The following UBE3B variants were observed in gnomAD, a reference collection of about 807,000 sequenced individuals.
UBE3B encodes ubiquitin protein ligase E3B, also known as ubiquitin-protein ligase E3B.
Under a neutral mutation model 132.3 loss-of-function variants are expected in UBE3B, and 80 were observed. The ratio of observed to expected loss-of-function variants is 0.60; its 90% CI spans 0.50 to 0.73. The LOEUF is 0.73. Ranked by LOEUF, UBE3B falls within the 30% of genes least tolerant of loss-of-function variation. The probability of loss-of-function intolerance (pLI) is 0.00; values close to 1 mark genes in which losing one functional copy is unlikely to be tolerated. For missense variants in UBE3B, 1,196 were observed against 1,362.5 expected (o/e 0.88, Z 1.92); for synonymous variants, 487 against 520.4 (o/e 0.94, Z 0.87).
At chr12:109,516,404 C>T (rs1566102424) in intron 18 of UBE3B, among the ~76,000 whole-genome samples, 1 of 151,934 alleles carries the variant, frequency 6.6e-6, no homozygotes, top group Non-Finnish European at 1.5e-5. Flanking sequence ...TTTGAACTCC[C>T]GACCTCAGGT....
At chr12:109,510,988 CCAGA>C (rs1019463540) in intron 17 of UBE3B, among the ~76,000 whole-genome samples, 9 of 152,186 alleles carry the variant, frequency 5.9e-5, no homozygotes, top group Non-Finnish European at 1.0e-4. Flanking sequence ...GCTTTGTGGA[CCAGA>C]CAGTCTCTGT....
chr12:109,527,325 AAC>A (rs1882458223), intron 24 of UBE3B, among the ~76,000 whole-genome samples: 1 of 152,174 alleles, frequency 6.6e-6, no homozygotes, highest in Non-Finnish European at 1.5e-5. Flanking sequence ...ACCTAATTAA[AAC>A]AGTGGAGCCT....
intron 24 of UBE3B, among the ~76,000 whole-genome samples, chr12:109,527,794 AG>A (rs1008739964): frequency 5.9e-5 from 9 of 152,272 alleles, no homozygotes; most frequent in Admixed American, 2.0e-4. Flanking sequence ...CCATTCCTTT[AG>A]GGGGGTGCTT....
chr12:109,501,224 C>T (rs1592916356), intron 12 of UBE3B, 147 bp from the exon 13 acceptor site: 2 of 1,012,924 alleles, frequency 2.0e-6, no homozygotes, highest in East Asian at 4.9e-5. Flanking sequence ...GTTAGTTCCA[C>T]TTTTTATTTT....
At chr12:109,509,826 G>T in intron 16 of UBE3B, 112 bp downstream of exon 16, 2 of 681,002 alleles carry the variant, frequency 2.9e-6, no homozygotes, top group Non-Finnish European at 2.5e-6. Flanking sequence ...TTAATAGAAG[G>T]TGCACATTTA....
intron 1 of UBE3B, among the ~76,000 whole-genome samples, chr12:109,481,100 G>T (rs953886983): frequency 6.9e-6 from 1 of 145,618 alleles, no homozygotes; most frequent in Non-Finnish European, 1.5e-5. Context: ...GCAAGACTCC[G>T]TCTCAAAAAA....
intron 5 of UBE3B, 149 bp from the exon 6 acceptor site, chr12:109,486,322 A>AT (rs1876418997): frequency 2.6e-6 from 2 of 754,940 alleles, no homozygotes; most frequent in Middle Eastern, 2.4e-4. Context: ...TAGTGTTAAA[A>AT]TAAGTCCTGT....
Position 109,501,552 on chromosome 12 carries a change from G to T in UBE3B, c.1282+18G>T, listed in dbSNP as rs1566089071. 2 of 1,607,418 alleles carry T rather than the reference G, an allele frequency of 1.2e-6. No individual in the cohort carries two copies. Among genetic ancestry groups the T allele is most frequent in the South Asian group, 2.2e-5 (2 of 90,510 alleles). On this transcript the variant is annotated intron_variant, in intron 13 of 27. Transcript: ENST00000342494. ...AGTGAAGAGTGAGTGACGGGAGCAG[G>T]CCCAACCCTGTAGCTCCACTTGGCT...
rs572819144 is a variant in UBE3B at position 109,497,745 on chromosome 12, G to A, written c.714-73G>A. On this transcript the variant is annotated intron_variant, in intron 9 of 27. Coordinates refer to ENST00000342494, the MANE Select transcript of UBE3B (RefSeq NM_130466.4). Reference sequence around the variant, plus strand: ...GAATAATTTCTAGGAATTTGAGCACGTTGGTGGGGTTGTGCTTTTGTTCTG... The same window carrying A: ...GAATAATTTCTAGGAATTTGAGCACATTGGTGGGGTTGTGCTTTTGTTCTG... 74 of 1,443,048 alleles carry A rather than the reference G, an allele frequency of 5.1e-5. No individual in the cohort carries two copies. The East Asian group carries it at 5.2e-4, about 10-fold the overall frequency. 89.4% of individuals were successfully genotyped at this position (1,443,048 alleles called of 1,614,324 possible).
chr12:109,513,566 T>A (rs1489202517), intron 18 of UBE3B, among the ~76,000 whole-genome samples: 1 of 152,198 alleles, frequency 6.6e-6, no homozygotes, highest in Non-Finnish European at 1.5e-5. Context: ...GGGATTTCTT[T>A]TGGCCTAGGA....
In UBE3B at chr12:109,521,314, A is replaced by G. The variant is rs759946467; in HGVS notation, c.2243A>G (p.Asn748Ser). The G allele has an allele frequency of 4.3e-6, 7 of 1,614,088 alleles. No homozygotes were observed. The African/African-American group carries it at 5.3e-5, about 12-fold the overall frequency. Residue 748 changes from asparagine to serine, a missense_variant, in exon 20 of 28, where the codon AAT becomes AGT. Asn to Ser is a conservative substitution (Grantham distance 46). Transcript: ENST00000342494. This position sits in a 1 kb window ranked among gnomAD's most constrained non-coding sequence, Gnocchi z 4.2. ...IIKRVFDPAL[N>S]LFKTTSGDER... is the part of the protein sequence containing the mutation. Reference sequence around the variant, plus strand: ...AAGAGAGTTTTTGACCCAGCACTCAATCTGTTCAAGGTATTTAAGGGGAGC... The same window carrying G: ...AAGAGAGTTTTTGACCCAGCACTCAGTCTGTTCAAGGTATTTAAGGGGAGC...
At chr12:109,505,375 C>T (rs1461297122) in intron 14 of UBE3B, among the ~76,000 whole-genome samples, 3 of 152,176 alleles carry the variant, frequency 2.0e-5, no homozygotes, top group African/African-American at 7.2e-5. Flanking sequence ...AGATATGCAG[C>T]CCTTGTTGAA....
chr12:109,500,472 A>C (rs549590060), intron 12 of UBE3B, among the ~76,000 whole-genome samples: 2 of 152,134 alleles, frequency 1.3e-5, no homozygotes, highest in African/African-American at 4.8e-5. Flanking sequence ...AGGCCTGGGG[A>C]GGAAATCCCC....
intron 25 of UBE3B, 62 bp from the exon 26 acceptor site, chr12:109,530,485 C>G (rs1353146065): frequency 1.4e-6 from 2 of 1,440,128 alleles, no homozygotes; most frequent in African/African-American, 2.8e-5. Flanking sequence ...GCATGACCTG[C>G]CTGCCTGTCC....
At position 109,510,388 on chromosome 12, in the gene UBE3B, G is replaced by T. The variant is rs534563601; in HGVS notation, c.1786G>T (p.Gly596Trp). The T allele has an allele frequency of 9.9e-6, 16 of 1,612,758 alleles. No homozygotes were observed. The highest frequency in any genetic ancestry group is 4.4e-5 in the South Asian group (4 of 90,618). The stretch of plus-strand genomic sequence containing the variant: ...CTTGGAGCTGTTCCAGTCTGTCCAC[G>T]GGTGGCTTATGGTGCTGTACGAGCG... ...ETLELFQSVH[G>W]WLMVLYERDC... Residue 596 changes from glycine (G) to tryptophan (W), a missense_variant, in exon 17 of 28, where the codon GGG (glycine) becomes TGG (tryptophan). Physicochemically the swap from Gly to Trp is radical, Grantham distance 184. Transcript: ENST00000342494.
chr12:109,515,248 CT>C (rs977790415), intron 18 of UBE3B, among the ~76,000 whole-genome samples: 6 of 151,820 alleles, frequency 4.0e-5, no homozygotes, highest in African/African-American at 1.2e-4. Flanking sequence ...TTGGTCATTG[CT>C]TTTTTTGTTA....
rs897214557 is a variant in UBE3B, at chr12:109,521,090, C to T, written c.2077-58C>T. The T allele has an allele frequency of 1.2e-5, 19 of 1,588,524 alleles. No homozygotes were observed. The highest frequency in any genetic ancestry group is 8.1e-5 in the African/African-American group (6 of 74,278). ...GCTTCGCACAGAGGAGAGGGAACCC[C>T]GAATTGTGTGCATAAGGCTTTGGGC... On this transcript the variant is annotated intron_variant, in intron 19 of 27. Transcript: ENST00000342494. This position sits in a 1 kb window ranked among gnomAD's most constrained non-coding sequence, Gnocchi z 4.2.
intron 13 of UBE3B, among the ~76,000 whole-genome samples, chr12:109,502,409 G>A (rs1879117724): frequency 6.6e-6 from 1 of 152,166 alleles, no homozygotes; most frequent in Non-Finnish European, 1.5e-5. Flanking sequence ...TAAAAGTTAT[G>A]GAAAGGCCAC....
chr12:109,538,137 A>G (rs988573793), downstream of UBE3B, among the ~76,000 whole-genome samples: 1 of 152,266 alleles, frequency 6.6e-6, no homozygotes, highest in Admixed American at 6.5e-5. This position sits in a 1 kb window ranked among gnomAD's most constrained non-coding sequence, Gnocchi z 4.1. Context: ...GCAAGTGCCT[A>G]AGAATAATTA....
Sources: gnomAD v4.1 joint callset for allele counts (sites outside exome capture counted in the v4.1 genomes callset) on GRCh38, gnomAD v4.1.1 for gene constraint, Gnocchi (gnomAD v3.1) non-coding constraint, MANE v1.5 for transcripts, NCBI Gene and HGNC (gene_info 2026-07-23, HGNC 2026-07-21) for gene names.